RALGDS: variants seen among roughly 807,000 people sequenced by gnomAD.
The protein encoded by RALGDS is ral guanine nucleotide dissociation stimulator, also known as ral guanine nucleotide exchange factor.
RALGDS carries 44 observed loss-of-function variants against 99.8 expected under a neutral mutation model. The ratio of observed to expected loss-of-function variants is 0.44; its 90% CI spans 0.35 to 0.57. RALGDS has a LOEUF of 0.57. Among genes scored for constraint, RALGDS ranks in the 20% least tolerant of loss-of-function variants. The pLI is 0.01. For missense variants in RALGDS, 1,022 were observed against 1,203.1 expected (o/e 0.85, Z 2.23); for synonymous variants, 529 against 505.0 (o/e 1.05, Z -0.64).
upstream of RALGDS, chr9:133,131,157 C>G: frequency 7.0e-7 from 1 of 1,419,248 alleles, no homozygotes; most frequent in Non-Finnish European, 9.1e-7. Context: ...CTCCTCTGAG[C>G]ATCTCACATC....
chr9:133,115,620 T>C (rs1195045759), intron 1 of RALGDS, among the ~76,000 whole-genome samples: 2 of 152,192 alleles, frequency 1.3e-5, no homozygotes, highest in Non-Finnish European at 2.9e-5. Context: ...AGGGCAGCAC[T>C]ACCTGTCACA....
At chr9:133,101,288 G>A in intron 16 of RALGDS, 1 of 1,377,548 alleles carries the variant, frequency 7.3e-7, no homozygotes, top group Non-Finnish European at 9.7e-7. Context: ...CTCCCCTACA[G>A]CACCGCCCCT....
chr9:133,100,839 G>T (rs747588773), intron 16 of RALGDS: 3 of 1,068,340 alleles, frequency 2.8e-6, no homozygotes, highest in Non-Finnish European at 3.4e-6. Context: ...GAGCACAGGC[G>T]GAACTCGGAC....
At chr9:133,140,804 C>T (rs953503963) in intron 1 of RALGDS, among the ~76,000 whole-genome samples, 2 of 152,180 alleles carry the variant, frequency 1.3e-5, no homozygotes, top group Admixed American at 6.5e-5. Context: ...CTCGCCTCAT[C>T]CGCCCGCCTT....
chr9:133,148,880 C>T, intron 1 of RALGDS: 1 of 1,515,858 alleles, frequency 6.6e-7, no homozygotes. Context: ...CGGCGCCGGG[C>T]TCCCTCCCCC....
chr9:133,139,487 C>T (rs1832484502), intron 1 of RALGDS, among the ~76,000 whole-genome samples: 1 of 152,208 alleles, frequency 6.6e-6, no homozygotes, highest in South Asian at 2.1e-4. Flanking sequence ...GCTGTCACCT[C>T]CCCAGCCACC....
rs1830597902 is a variant in RALGDS at position 133,098,523 on chromosome 9, G to A, written c.*64C>T. ...GCAGGTGGGAGGAAGGCGCCCAGCT[G>A]GCCTGGGCCACTCTGGTCCATAAGT... On this transcript the variant is annotated 3_prime_UTR_variant, in exon 18 of 18. Coordinates refer to ENST00000372050, the MANE Select transcript of RALGDS (RefSeq NM_006266.4). 3.2e-6 allele frequency: 5 copies of A among 1,566,820 alleles called. No individual in the cohort carries two copies. The highest frequency in any genetic ancestry group is 4.4e-6 in the Non-Finnish European group (5 of 1,141,430).
chr9:133,145,389 C>T (rs970171298), intron 1 of RALGDS, among the ~76,000 whole-genome samples: 1 of 140,880 alleles, frequency 7.1e-6, no homozygotes, highest in African/African-American at 2.5e-5. Flanking sequence ...CCACCCCCCG[C>T]CCCGGCATGG....
chr9:133,137,511 C>T (rs557133822), intron 1 of RALGDS, among the ~76,000 whole-genome samples: 3 of 151,488 alleles, frequency 2.0e-5, no homozygotes, highest in South Asian at 2.1e-4. Flanking sequence ...GGCAGGGGGC[C>T]GGAGGGCCAG....
upstream of RALGDS, among the ~76,000 whole-genome samples, chr9:133,123,103 G>A (rs2119223356): frequency 6.6e-6 from 1 of 152,190 alleles, no homozygotes; most frequent in South Asian, 2.1e-4. Flanking sequence ...TGGCCAGGGA[G>A]GGTAATGTGG....
At chr9:133,127,340 T>C (rs1832193169) in intron 1 of RALGDS, among the ~76,000 whole-genome samples, 1 of 152,230 alleles carries the variant, frequency 6.6e-6, no homozygotes, top group Non-Finnish European at 1.5e-5. Context: ...TTTTCCAACC[T>C]GGGCTTGGCC....
intron 2 of RALGDS, among the ~76,000 whole-genome samples, chr9:133,111,767 C>A (rs1043309836): frequency 3.9e-5 from 6 of 152,214 alleles, no homozygotes; most frequent in Admixed American, 6.5e-5. Context: ...GACCTAACAG[C>A]CTGAAGCCCT....
At chr9:133,125,546 C>G (rs2119233547), upstream of RALGDS, among the ~76,000 whole-genome samples, 1 of 152,192 alleles carries the variant, frequency 6.6e-6, no homozygotes, top group East Asian at 1.9e-4. Context: ...CCAGCCTGGC[C>G]AACGTGGTAA....
rs751633096 is a variant in RALGDS at position 133,112,122 on chromosome 9, T to C, written c.214A>G (p.Ile72Val). 2.0e-5 allele frequency: 32 copies of C among 1,576,498 alleles called. No individual in the cohort carries two copies. The highest frequency in any genetic ancestry group is 6.8e-5 in the African/African-American group (5 of 73,866). Residue 72 changes from isoleucine (I) to valine (V), a missense_variant, in exon 2 of 18, where the codon ATC becomes GTC. By Grantham distance (29) the Ile-to-Val change is conservative (BLOSUM62 3). Transcript: ENST00000372050. ...GAGATGGAGTAGATGACTCCGTTGA[T>C]CAGCTCCTCACCGATCTCCTGCGTG... is the stretch of plus-strand genomic sequence containing the variant. ...SSTQEIGEELINGVIYSISLR... is the reference protein window; with the variant it reads ...SSTQEIGEELVNGVIYSISLR...
At chr9:133,131,110 C>T (rs1832321258) in exon 1 of RALGDS, 2 of 1,452,732 alleles carry the variant, frequency 1.4e-6, no homozygotes, top group Admixed American at 5.3e-5. Context: ...GCTTCCCGCC[C>T]AGACACTGCC....
upstream of RALGDS, among the ~76,000 whole-genome samples, chr9:133,123,509 A>G (rs546488917): frequency 1.8e-3 from 271 of 152,250 alleles, 2 homozygotes; most frequent in Non-Finnish European, 2.8e-3. Flanking sequence ...GCTCCCTCCC[A>G]TCTGACTATA....
intron 1 of RALGDS, among the ~76,000 whole-genome samples, chr9:133,141,361 A>G (rs569830116): frequency 1.9e-4 from 29 of 152,252 alleles, no homozygotes; most frequent in African/African-American, 6.7e-4. Context: ...TCCAGGCTGG[A>G]CACCCCTCAT....
chr9:133,129,809 TC>T (rs150413931), intron 1 of RALGDS, among the ~76,000 whole-genome samples: 1 of 131,680 alleles, frequency 7.6e-6, no homozygotes, highest in Non-Finnish European at 1.6e-5. Flanking sequence ...TTTCCTTTCT[TC>T]TTTTTTTTTT....
chr9:133,119,013 C>G (rs944200557), intron 1 of RALGDS, among the ~76,000 whole-genome samples: 1 of 152,220 alleles, frequency 6.6e-6, no homozygotes, highest in East Asian at 1.9e-4. Context: ...GGGGCACGGA[C>G]CAGGTCACCT....
Sources: allele counts gnomAD v4.1 joint callset (sites outside exome capture counted in the v4.1 genomes callset), GRCh38; gene constraint gnomAD v4.1.1; transcripts MANE v1.5; gene names NCBI Gene and HGNC (gene_info 2026-07-23, HGNC 2026-07-21).